The following IPO11 variants were observed in gnomAD, a reference collection of about 807,000 sequenced individuals.
The protein encoded by IPO11 is importin 11.
Under a neutral mutation model 143.2 loss-of-function variants are expected in IPO11, and 66 were observed. The ratio of observed to expected loss-of-function variants is 0.46; its 90% CI spans 0.38 to 0.57. The LOEUF (loss-of-function observed/expected upper bound fraction) is 0.57, where lower values mean the gene tolerates loss of function less well. Among genes scored for constraint, IPO11 ranks in the 20% least tolerant of loss-of-function variants. The pLI, the probability that IPO11 is intolerant of heterozygous loss-of-function variation, is 0.00. For synonymous variants in IPO11, 385 were observed against 377.8 expected (o/e 1.02, Z -0.22); for missense variants, 1,026 against 1,141.0 (o/e 0.90, Z 1.45).
intron 1 of IPO11, among the ~76,000 whole-genome samples, chr5:62,420,117 T>C (rs1580155256): frequency 6.6e-6 from 1 of 151,608 alleles, no homozygotes; most frequent in Admixed American, 6.6e-5. Flanking sequence ...GGTGATACCC[T>C]GTTTCTACTA....
intron 9 of IPO11, among the ~76,000 whole-genome samples, chr5:62,481,862 T>C (rs1746224874): frequency 6.6e-6 from 1 of 152,228 alleles, no homozygotes; most frequent in African/African-American, 2.4e-5. Context: ...TCAGAAGGAA[T>C]GGTACCAGCT....
intron 29 of IPO11, among the ~76,000 whole-genome samples, chr5:62,605,366 G>A (rs181558052): frequency 6.6e-6 from 1 of 152,182 alleles, no homozygotes; most frequent in East Asian, 1.9e-4. Flanking sequence ...TTTCAAATAA[G>A]GATGAAATTT....
chr5:62,443,190 A>G (rs1744561358), intron 3 of IPO11, 107 bp downstream of exon 3: 3 of 609,604 alleles, frequency 4.9e-6, no homozygotes, highest in Non-Finnish European at 8.4e-6. Context: ...TTACTTCTGC[A>G]GCACATATAC....
chr5:62,586,768 A>ATATATATATAT (rs1554057002), intron 27 of IPO11, among the ~76,000 whole-genome samples: 3 of 28,902 alleles, frequency 1.0e-4, no homozygotes, highest in East Asian at 1.0e-3. Context: ...AAAAAAAAAA[A>ATATATATATAT]ATATATATAT....
chr5:62,504,651 A>T lies in IPO11; in HGVS notation c.1591-16A>T, dbSNP rs979041572. 1.4e-6 allele frequency: 2 copies of T among 1,398,370 alleles called. No homozygotes were observed. The highest frequency in any genetic ancestry group is 1.3e-5 in the South Asian group (1 of 76,706). 86.6% of individuals were successfully genotyped at this position (1,398,370 alleles called of 1,614,324 possible). A position where few individuals can be genotyped will look rare whatever the true frequency, so the allele number is the denominator to read the frequency against. On this transcript the variant is annotated splice_polypyrimidine_tract_variant and intron_variant, in intron 16 of 29. Coordinates refer to ENST00000325324, the MANE Select transcript of IPO11 (RefSeq NM_016338.5). ...ATTCTAAAATAATTAAAAACTAATG[A>T]TATACTTTCTTTTAGGTCCGTATTG...
At position 62,572,545 on chromosome 5, in the gene IPO11, G is replaced by GTTTATTTATTTATTTATTTATTTA. The variant is rs57028103; in HGVS notation, c.2582+11308_2582+11331dup. ...TCATTGTGTATATGTATATTTGTTT[G>GTTTATTTATTTATTTATTTATTTA]TTTATTTATTTATTTATTTATTTAT... On this transcript the variant is annotated intron_variant, in intron 27 of 29. Coordinates refer to ENST00000325324, the MANE Select transcript of IPO11 (RefSeq NM_016338.5). 7.0e-5 allele frequency among the ~76,000 whole-genome samples: 6 copies of GTTTATTTATTTATTTATTTATTTA among 86,046 alleles called. No individual in the cohort carries two copies. The East Asian group carries it at 8.5e-4, about 12-fold the overall frequency. 56.4% of individuals were successfully genotyped at this position (86,046 alleles called of 152,430 possible).
At chr5:62,579,667 G>T (rs1347627059) in intron 27 of IPO11, 2 of 1,546,464 alleles carry the variant, frequency 1.3e-6, no homozygotes, top group Admixed American at 2.0e-5. Flanking sequence ...TTATATAAAT[G>T]AAAGTGAATT....
intron 15 of IPO11, among the ~76,000 whole-genome samples, chr5:62,490,743 T>G (rs1746579127): frequency 6.6e-6 from 1 of 152,188 alleles, no homozygotes; most frequent in African/African-American, 2.4e-5. Context: ...TTTAGTACAT[T>G]TAATAGCACA....
chr5:62,430,354 C>T (rs1160478069), intron 1 of IPO11, among the ~76,000 whole-genome samples: 2 of 152,170 alleles, frequency 1.3e-5, no homozygotes, highest in Non-Finnish European at 2.9e-5. Context: ...AAAAGCTGGA[C>T]ACCATTGATC....
intron 18 of IPO11, 35 bp downstream of exon 18, chr5:62,504,933 A>G (rs754180426): frequency 8.0e-7 from 1 of 1,256,464 alleles, no homozygotes; most frequent in East Asian, 2.4e-5. Flanking sequence ...TTTTTTTAAA[A>G]AACAATTTCT....
At chr5:62,460,639 C>T (rs976233076) in intron 5 of IPO11, among the ~76,000 whole-genome samples, 6 of 152,152 alleles carry the variant, frequency 3.9e-5, no homozygotes, top group Non-Finnish European at 5.9e-5. Context: ...GGAGTCAAGG[C>T]TTTGGGCTTC....
chr5:62,489,200 T>TA, intron 13 of IPO11, 102 bp from the exon 14 acceptor site: 1 of 602,630 alleles, frequency 1.7e-6, no homozygotes, highest in Non-Finnish European at 2.7e-6. Context: ...GTGTTATACT[T>TA]AATTGAATTG....
chr5:62,463,134 T>C (rs1745432100), intron 5 of IPO11, among the ~76,000 whole-genome samples: 1 of 152,060 alleles, frequency 6.6e-6, no homozygotes, highest in Admixed American at 6.6e-5. Flanking sequence ...CCTGAACTCC[T>C]GGGTTCAAAT....
At chr5:62,494,505 T>A (rs1323385448) in intron 16 of IPO11, among the ~76,000 whole-genome samples, 1 of 152,154 alleles carries the variant, frequency 6.6e-6, no homozygotes, top group Non-Finnish European at 1.5e-5. Flanking sequence ...TTTGAGAATT[T>A]TTTTTAAGCC....
At chr5:62,435,976 T>G (rs907885631) in intron 1 of IPO11, among the ~76,000 whole-genome samples, 2 of 152,054 alleles carry the variant, frequency 1.3e-5, no homozygotes, top group Admixed American at 1.3e-4. Flanking sequence ...GAGTTGAGAT[T>G]GTGCTGTTGC....
At chr5:62,456,385 C>G (rs1745158093) in intron 5 of IPO11, among the ~76,000 whole-genome samples, 1 of 152,002 alleles carries the variant, frequency 6.6e-6, no homozygotes, top group Admixed American at 6.6e-5. Flanking sequence ...TGTTAAAATC[C>G]AAAGTCACTA....
intron 9 of IPO11, among the ~76,000 whole-genome samples, chr5:62,477,836 A>T (rs1746014584): frequency 6.6e-6 from 1 of 152,244 alleles, no homozygotes; most frequent in Non-Finnish European, 1.5e-5. Context: ...GATAGATGGT[A>T]TCTGTAATTT....
chr5:62,534,671 T>TG (rs1742675077), intron 22 of IPO11, among the ~76,000 whole-genome samples: 1 of 152,190 alleles, frequency 6.6e-6, no homozygotes, highest in South Asian at 2.1e-4. Flanking sequence ...TGTTGACATT[T>TG]GGGTCAGGTA....
chr5:62,417,162 T>C (rs946292006), intron 1 of IPO11, among the ~76,000 whole-genome samples: 1 of 151,640 alleles, frequency 6.6e-6, no homozygotes, highest in Non-Finnish European at 1.5e-5. Context: ...GGTCTCTTGT[T>C]ACCTAGGCTG....
Sources: allele counts gnomAD v4.1 joint callset (sites outside exome capture counted in the v4.1 genomes callset), GRCh38; gene constraint gnomAD v4.1.1; transcripts MANE v1.5; gene names NCBI Gene and HGNC (gene_info 2026-07-23, HGNC 2026-07-21).